Variants in MALAT1 observed in about 807,000 individuals in gnomAD.
The protein encoded by MALAT1 is hepcarcin.
intron 1 of MALAT1, chr11:65,497,996 C>G (rs746097171): frequency 1.9e-6 from 1 of 518,920 alleles, no homozygotes; most frequent in East Asian, 5.4e-5. Flanking sequence ...GATAAAACCA[C>G]TCAAACTCTG....
exon 4 of MALAT1, chr11:65,506,352 C>T (rs775999323): frequency 7.2e-5 from 33 of 459,660 alleles, no homozygotes; most frequent in Admixed American, 1.0e-4. Context: ...CATATTTACA[C>T]GAGAACCTAA....
At chr11:65,499,904 T>A (rs757386304) in exon 3 of MALAT1, 1 of 429,084 alleles carries the variant, frequency 2.3e-6, no homozygotes, top group African/African-American at 2.1e-5. Context: ...AGATAGAAAA[T>A]GAAAAACAAG....
chr11:65,501,451 T>C (rs752048841), exon 3 of MALAT1: 5 of 514,556 alleles, frequency 9.7e-6, no homozygotes, highest in South Asian at 4.2e-5. Flanking sequence ...GTTACTCTTT[T>C]TTCCCCCCAC....
exon 3 of MALAT1, chr11:65,499,984 GAA>G (rs397848949): frequency 2.3e-6 from 1 of 425,600 alleles, no homozygotes; most frequent in Admixed American, 3.1e-5. Flanking sequence ...AAATAGCACT[GAA>G]AAAATGAGGA....
chr11:65,498,284 A>C (rs1565671724), intron 1 of MALAT1: 1 of 518,678 alleles, frequency 1.9e-6, no homozygotes, highest in Non-Finnish European at 3.8e-6. Context: ...GAGCACTTTC[A>C]GGAGAGCCTG....
rs529172575 is a variant in MALAT1 at position 65,502,988 on chromosome 11, A to AGC, written n.4253_4254dup. 28 of 497,250 alleles carry AGC rather than the reference A, an allele frequency of 5.6e-5. No homozygotes were observed. The East Asian group carries it at 1.5e-3, about 27-fold the overall frequency. 30.8% of individuals were successfully genotyped at this position (497,250 alleles called of 1,614,324 possible). On this transcript the variant is annotated non_coding_transcript_exon_variant, in exon 3 of 4. Transcript: ENST00000619449. ...ACTGCTTTTACAAAAGCAGAATAAA[A>AGC]GCGAAAAGAAATGAAAATGTTACAC...
chr11:65,497,835 C>T (rs753715707), exon 1 of MALAT1: 1 of 514,746 alleles, frequency 1.9e-6, no homozygotes, highest in Non-Finnish European at 3.9e-6. Flanking sequence ...ACGCAGAAGC[C>T]CGGCGCCGGG....
At chr11:65,501,499 A>G (rs776729367) in exon 3 of MALAT1, 3 of 517,850 alleles carry the variant, frequency 5.8e-6, no homozygotes, top group Non-Finnish European at 1.2e-5. Context: ...AACCCCTTAA[A>G]CTTGTTATTT....
At chr11:65,506,312 T>G (rs777708600) in exon 4 of MALAT1, 8 of 465,294 alleles carry the variant, frequency 1.7e-5, no homozygotes, top group South Asian at 1.3e-4. Context: ...TGATGTATAA[T>G]TTGTCAGGAG....
intron 3 of MALAT1, chr11:65,505,458 T>C (rs944785938): frequency 1.4e-5 from 7 of 512,980 alleles, no homozygotes; most frequent in African/African-American, 9.7e-5. Flanking sequence ...CAAGCGGTGC[T>C]TGAAGGGGAG....
chr11:65,503,392 TTCAC>T (rs751565708), exon 3 of MALAT1: 21 of 517,410 alleles, frequency 4.1e-5, no homozygotes, highest in South Asian at 3.0e-4. Context: ...GATAGTACAC[TTCAC>T]TCAGAGGCAT....
intron 3 of MALAT1, chr11:65,505,439 C>G (rs1203056779): frequency 5.9e-6 from 3 of 512,586 alleles, no homozygotes; most frequent in African/African-American, 1.9e-5. Context: ...AATAATAAAG[C>G]CCAAATCTCA....
At chr11:65,503,646 G>T (rs747365995) in exon 3 of MALAT1, 3 of 511,934 alleles carry the variant, frequency 5.9e-6, no homozygotes, top group Non-Finnish European at 1.2e-5. Context: ...TTAGAAAGCT[G>T]TCTCCTTATT....
At chr11:65,506,272 A>G (rs916385488) in exon 4 of MALAT1, 2 of 453,314 alleles carry the variant, frequency 4.4e-6, no homozygotes, top group Admixed American at 2.9e-5. Flanking sequence ...GGGAGGTAAC[A>G]GCACAATATC....
exon 3 of MALAT1, chr11:65,499,436 G>C (rs1437182066): frequency 6.3e-6 from 3 of 474,460 alleles, no homozygotes; most frequent in Non-Finnish European, 1.3e-5. Context: ...GACTTAAACA[G>C]CTTAAAGTTT....
intron 3 of MALAT1, chr11:65,505,559 A>T (rs756431909): frequency 5.8e-6 from 3 of 515,490 alleles, no homozygotes; most frequent in Non-Finnish European, 1.2e-5. Context: ...TCTCTGCCAC[A>T]TCGCCACCCC....
intron 1 of MALAT1, chr11:65,498,596 T>A (rs774784257): frequency 3.1e-5 from 16 of 518,786 alleles, no homozygotes; most frequent in South Asian, 2.2e-4. Context: ...TTTTGCCACT[T>A]CTCAACCGTC....
chr11:65,501,268 T>C (rs1854539733), exon 3 of MALAT1: 1 of 515,726 alleles, frequency 1.9e-6, no homozygotes, highest in African/African-American at 1.9e-5. Context: ...TTCAGTTCTT[T>C]TTCCCTTAGG....
exon 3 of MALAT1, chr11:65,502,008 G>A: frequency 1.9e-6 from 1 of 513,786 alleles, no homozygotes; most frequent in Non-Finnish European, 3.9e-6. Flanking sequence ...AAGTTGGCAA[G>A]TAACTCCCAA....
Sources: gnomAD v4.1 joint callset for allele counts on GRCh38, gnomAD v4.1.1 for gene constraint, MANE v1.5 for transcripts, NCBI Gene and HGNC (gene_info 2026-07-23, HGNC 2026-07-21) for gene names.